The following TAGLN variants were observed in gnomAD, a reference collection of about 807,000 sequenced individuals.
The protein encoded by TAGLN is 22 kDa actin-binding protein.
TAGLN carries 16 observed loss-of-function variants against 21.9 expected under a neutral mutation model. That is an observed-to-expected ratio of 0.73 (90% CI 0.49 to 1.11). The LOEUF (loss-of-function observed/expected upper bound fraction) is 1.11. Ranked by LOEUF, TAGLN falls within the 50% of genes least tolerant of loss-of-function variation. The pLI, the probability that TAGLN is intolerant of heterozygous loss-of-function variation, is 0.00. For synonymous variants in TAGLN, 96 were observed against 94.9 expected (o/e 1.01, Z -0.06); for missense variants, 248 against 263.2 (o/e 0.94, Z 0.40).
Position 117,204,271 on chromosome 11 carries a change from A to G in TAGLN, c.518A>G (p.His173Arg), listed in dbSNP as rs764178145. The stretch of plus-strand genomic sequence containing the variant: ...GAGAGCCAGCTGCAGGAGGGAAAGC[A>G]TGTCATTGGCCTTCAGATGGGCAGC... ...FTESQLQEGK[H>R]VIGLQMGSNR... Residue 173 changes from histidine to arginine, a missense_variant, in exon 5 of 5, where the codon CAT (histidine) becomes CGT (arginine). By Grantham distance (29) the His-to-Arg change is conservative. Coordinates refer to ENST00000392951, the MANE Select transcript of TAGLN (RefSeq NM_003186.5). The G allele has an allele frequency of 5.6e-6, 9 of 1,614,128 alleles. No individual in the cohort carries two copies. In the Admixed American group the frequency reaches 6.7e-5, roughly 12 times the overall value.
chr11:117,203,385 G>C lies in TAGLN; in HGVS notation c.259G>C (p.Val87Leu), dbSNP rs148113093. ...VKVPENPPSM[V>L]FKQMEQVAQF... ...GGTGCCCGAGAACCCACCCTCCATG[G>C]TCTTCAAGCAGATGGAGCAGGTGGC... is the stretch of plus-strand genomic sequence containing the variant. Residue 87 changes from valine to leucine, a missense_variant, in exon 3 of 5, where the codon GTC (valine) becomes CTC (leucine). Val to Leu is a conservative substitution (Grantham distance 32). Coordinates refer to ENST00000392951, the MANE Select transcript of TAGLN (RefSeq NM_003186.5). This position sits in a 1 kb window ranked among gnomAD's most constrained non-coding sequence, Gnocchi z 4.4. 2.1e-5 allele frequency: 34 copies of C among 1,614,190 alleles called. 1 individual carries two copies. Among genetic ancestry groups the C allele is most frequent in the South Asian group, 1.1e-4 (10 of 91,084 alleles).
intron 1 of TAGLN, among the ~76,000 whole-genome samples, chr11:117,200,658 G>T (rs1359650526): frequency 4.6e-5 from 7 of 152,160 alleles, no homozygotes; most frequent in African/African-American, 1.2e-4. Flanking sequence ...GGTGCTGGGT[G>T]GGAGTGGGGA....
In TAGLN at chr11:117,204,571, G is replaced by A; in HGVS notation, c.*212G>A. On this transcript the variant is annotated 3_prime_UTR_variant, in exon 5 of 5. Transcript: ENST00000392951. ...CTTACCCGAAAGCATCACTGCCTTGGCCCCTCCCTCCCGGCTGCCCCCATC... is the reference window on the plus strand; with the variant it reads ...CTTACCCGAAAGCATCACTGCCTTGACCCCTCCCTCCCGGCTGCCCCCATC... 3 of 737,444 alleles carry A rather than the reference G, an allele frequency of 4.1e-6. No individual in the cohort carries two copies. Among genetic ancestry groups the A allele is most frequent in the Non-Finnish European group, 7.0e-6 (3 of 429,700 alleles). The allele number at this position is 737,444 out of a possible 1,614,324, so 45.7% of individuals were successfully genotyped here.
At position 117,203,500 on chromosome 11, in the gene TAGLN, CT is replaced by C. The variant is rs1419365628; in HGVS notation, c.358+17del. 1.2e-6 allele frequency: 2 copies of C among 1,610,842 alleles called. No homozygotes were observed. The highest frequency in any genetic ancestry group is 1.7e-5 in the Admixed American group (1 of 59,952). ...CTCTTTGAAGGTAGAGAGGAAGAGG[CT>C]GGGGGAGGAGGTGGGCAGGAGGACA... On this transcript the variant is annotated intron_variant, in intron 3 of 4. Coordinates refer to ENST00000392951, the MANE Select transcript of TAGLN (RefSeq NM_003186.5). The surrounding 1 kb of genome is among the most constrained non-coding windows in gnomAD (Gnocchi z 4.4).
In TAGLN at chr11:117,206,200, C is replaced by T; in HGVS notation, c.*1841C>T. Reference sequence around the variant, plus strand: ...CTGCAAAGTGGCACTGATTCTAGCTCTGTCCCTTCCTCCTTGGCTTTCCGG... The same window carrying T: ...CTGCAAAGTGGCACTGATTCTAGCTTTGTCCCTTCCTCCTTGGCTTTCCGG... On this transcript the variant is annotated 3_prime_UTR_variant, in exon 5 of 5. Coordinates refer to ENST00000392951, the MANE Select transcript of TAGLN (RefSeq NM_003186.5). The T allele has an allele frequency of 6.2e-7, 1 of 1,614,136 alleles. No homozygotes were observed. The highest frequency in any genetic ancestry group is 8.5e-7 in the Non-Finnish European group (1 of 1,179,998).
intron 1 of TAGLN, chr11:117,200,239 C>T (rs1452203200): frequency 2.0e-5 from 3 of 152,314 alleles, no homozygotes; most frequent in East Asian, 1.9e-4. Context: ...ACCCTCCTGC[C>T]CTCTCAGAGG....
rs1591784481 is a variant in TAGLN, at chr11:117,206,383, A to C, written c.*2024A>C. 2 of 1,586,838 alleles carry C rather than the reference A, an allele frequency of 1.3e-6. No individual in the cohort carries two copies. Among genetic ancestry groups the C allele is most frequent in the East Asian group, 4.5e-5 (2 of 44,510 alleles). On this transcript the variant is annotated 3_prime_UTR_variant, in exon 5 of 5. Coordinates refer to ENST00000392951, the MANE Select transcript of TAGLN (RefSeq NM_003186.5). ...TGGGGCCGAGGCAAGCACCTACGTGAGGCACTGTTTCCCGAAGCCTACAGC... is the reference window on the plus strand; with the variant it reads ...TGGGGCCGAGGCAAGCACCTACGTGCGGCACTGTTTCCCGAAGCCTACAGC...
chr11:117,200,553 CAGGACTCGGG>C (rs1159642554), intron 1 of TAGLN, among the ~76,000 whole-genome samples: 3 of 152,166 alleles, frequency 2.0e-5, no homozygotes, highest in Non-Finnish European at 4.4e-5. Context: ...GGCTCGAAGG[CAGGACTCGGG>C]AGGCTTCATC....
rs370263391 is a variant in TAGLN at position 117,203,813 on chromosome 11, G to C, written c.390G>C (p.Leu130=). ...GKDMAAVQRT[L]MALGSLAVTK... is the part of the protein sequence containing the mutation. ...ACATGGCAGCAGTGCAGAGGACCCTGATGGCTTTGGGCAGCTTGGCAGTGA... is the reference window on the plus strand; with the variant it reads ...ACATGGCAGCAGTGCAGAGGACCCTCATGGCTTTGGGCAGCTTGGCAGTGA... Residue 130 remains leucine (L), a synonymous_variant, in exon 4 of 5, where the codon CTG becomes CTC. Coordinates refer to ENST00000392951, the MANE Select transcript of TAGLN (RefSeq NM_003186.5). This position sits in a 1 kb window ranked among gnomAD's most constrained non-coding sequence, Gnocchi z 4.4. 346 of 1,613,892 alleles carry C rather than the reference G, an allele frequency of 2.1e-4. No homozygotes were observed. The highest frequency in any genetic ancestry group is 2.8e-4 in the Non-Finnish European group (326 of 1,179,928).
At position 117,203,776 on chromosome 11, in the gene TAGLN, T is replaced by C. The variant is rs1443192002; in HGVS notation, c.359-6T>C. The C allele has an allele frequency of 6.2e-7, 1 of 1,612,556 alleles. No individual in the cohort carries two copies. ...TGTTCATCTCCTCTCTCCTGTCTTC[T>C]CACAGGCAAAGACATGGCAGCAGTG... On this transcript the variant is annotated splice_polypyrimidine_tract_variant and splice_region_variant and intron_variant, in intron 3 of 4. Transcript: ENST00000392951. The surrounding 1 kb of genome is among the most constrained non-coding windows in gnomAD (Gnocchi z 4.4).
intron 1 of TAGLN, 93 bp from the exon 2 acceptor site, chr11:117,202,909 C>A: frequency 1.6e-6 from 2 of 1,236,380 alleles, no homozygotes; most frequent in South Asian, 1.8e-5. Context: ...GGCCGGGTAT[C>A]CTGCACAGAG....
chr11:117,202,833 G>A, intron 1 of TAGLN, 169 bp from the exon 2 acceptor site: 1 of 505,496 alleles, frequency 2.0e-6, no homozygotes, highest in Non-Finnish European at 3.4e-6. Context: ...TTCAAGTTCA[G>A]AGAGGTGTCT....
chr11:117,203,097 G>T lies in TAGLN; in HGVS notation c.84G>T (p.Glu28Asp), dbSNP rs377127171. ...IEKKYDEELE[E>D]RLVEWIIVQC... Reference sequence around the variant, plus strand: ...AGAAGTATGACGAGGAGCTGGAGGAGCGGCTGGTGGAGTGGATCATAGTGC... The same window carrying T: ...AGAAGTATGACGAGGAGCTGGAGGATCGGCTGGTGGAGTGGATCATAGTGC... Residue 28 changes from glutamate (E) to aspartate (D), a missense_variant, in exon 2 of 5, where the codon GAG becomes GAT. Physicochemically the swap from Glu to Asp is conservative, Grantham distance 45 (BLOSUM62 2). Transcript: ENST00000392951. This position sits in a 1 kb window ranked among gnomAD's most constrained non-coding sequence, Gnocchi z 4.4. 10 of 1,612,688 alleles carry T rather than the reference G, an allele frequency of 6.2e-6. No individual in the cohort carries two copies. The highest frequency in any genetic ancestry group is 8.5e-6 in the Non-Finnish European group (10 of 1,179,306).
Sources: allele counts gnomAD v4.1 joint callset (sites outside exome capture counted in the v4.1 genomes callset), GRCh38; gene constraint gnomAD v4.1.1; non-coding constraint Gnocchi (gnomAD v3.1); transcripts MANE v1.5; gene names NCBI Gene and HGNC (gene_info 2026-07-23, HGNC 2026-07-21).